The following MAF variants were observed in gnomAD, a reference collection of about 807,000 sequenced individuals.
MAF encodes MAF bZIP transcription factor.
In MAF, 10 loss-of-function variants were observed where a neutral mutation model predicts 22.0. The ratio of observed to expected loss-of-function variants is 0.45; its 90% CI spans 0.28 to 0.77. The LOEUF is 0.77. Among genes scored for constraint, MAF ranks in the 30% least tolerant of loss-of-function variants. The pLI is 0.12. For missense variants in MAF, 544 were observed against 548.4 expected (o/e 0.99, Z 0.08); for synonymous variants, 337 against 255.8 (o/e 1.32, Z -3.03).
At position 79,600,577 on chromosome 16, in the gene MAF, G is replaced by C. The variant is rs188356862; in HGVS notation, c.-675C>G. ...GCCCGACTGGAGGAGAGGGAGGGGGGAGTTTAGTTCTTTCTTGCCTTTTTT... is the reference window on the plus strand; with the variant it reads ...GCCCGACTGGAGGAGAGGGAGGGGGCAGTTTAGTTCTTTCTTGCCTTTTTT... On this transcript the variant is annotated 5_prime_UTR_variant, in exon 1 of 2. Coordinates refer to ENST00000326043, the MANE Select transcript of MAF (RefSeq NM_005360.5). The C allele has an allele frequency of 5.1e-6, 1 of 195,984 alleles. No individual in the cohort carries two copies. The highest frequency in any genetic ancestry group is 1.2e-5 in the Non-Finnish European group (1 of 85,148). The allele number at this position is 195,984 out of a possible 1,614,324, so 12.1% of individuals were successfully genotyped here.
the MAF span, chr16:79,229,555 G>C: frequency 1.3e-5 from 2 of 152,250 alleles, no homozygotes; most frequent in South Asian, 4.1e-4. Context: ...TGGGCTGTGA[G>C]CGGGGATAAG....
At chr16:79,285,390 T>A in the MAF span, among the ~76,000 whole-genome samples, 2 of 151,484 alleles carry the variant, frequency 1.3e-5, no homozygotes, top group African/African-American at 4.8e-5. Flanking sequence ...TCCTTCTTGA[T>A]AGCTCCTTTA....
chr16:79,211,565 C>G, the MAF span: 3 of 1,613,534 alleles, frequency 1.9e-6, no homozygotes, highest in African/African-American at 1.3e-5. Context: ...CTCATCACTC[C>G]TTTTCTTAAA....
the MAF span, among the ~76,000 whole-genome samples, chr16:79,374,865 T>C: frequency 1.3e-5 from 2 of 152,356 alleles, no homozygotes; most frequent in Non-Finnish European, 2.9e-5. Flanking sequence ...AGACAAGATA[T>C]GTTAGACAGT....
chr16:79,407,231 C>G, the MAF span, among the ~76,000 whole-genome samples: 28 of 152,120 alleles, frequency 1.8e-4, no homozygotes, highest in South Asian at 2.1e-4. Flanking sequence ...GGACGCGTTG[C>G]GCAAGGAGTG....
At chr16:79,455,626 G>C in the MAF span, among the ~76,000 whole-genome samples, 1 of 152,134 alleles carries the variant, frequency 6.6e-6, no homozygotes, top group African/African-American at 2.4e-5. Flanking sequence ...ATTCCCACCT[G>C]TCATAATCAA....
At chr16:79,368,713 T>A in the MAF span, among the ~76,000 whole-genome samples, 1 of 152,184 alleles carries the variant, frequency 6.6e-6, no homozygotes, top group Admixed American at 6.5e-5. Flanking sequence ...TGTATATTTC[T>A]GGAATGTGTT....
the MAF span, among the ~76,000 whole-genome samples, chr16:79,313,240 C>T: frequency 3.9e-5 from 6 of 152,176 alleles, no homozygotes; most frequent in South Asian, 2.1e-4. Flanking sequence ...GAGGAGAAGA[C>T]GGCAACATTT....
At chr16:79,506,522 G>T in the MAF span, among the ~76,000 whole-genome samples, 1 of 152,224 alleles carries the variant, frequency 6.6e-6, no homozygotes, top group Non-Finnish European at 1.5e-5. Flanking sequence ...ATGCATAGCA[G>T]AGAGAATGTG....
the MAF span, among the ~76,000 whole-genome samples, chr16:79,333,365 G>C: frequency 6.6e-6 from 1 of 152,150 alleles, no homozygotes; most frequent in South Asian, 2.1e-4. Flanking sequence ...GTAGTCAGGA[G>C]ATTATAGGGG....
chr16:79,508,018 C>A, the MAF span, among the ~76,000 whole-genome samples: 1 of 152,106 alleles, frequency 6.6e-6, no homozygotes, highest in Non-Finnish European at 1.5e-5. Context: ...TGGATCAGAG[C>A]AGAGCAGGAG....
chr16:79,519,162 G>A, the MAF span, among the ~76,000 whole-genome samples: 1 of 152,008 alleles, frequency 6.6e-6, no homozygotes, highest in South Asian at 2.1e-4. Flanking sequence ...CCTCTCCTTT[G>A]TACATGGAGA....
chr16:79,551,283 A>G, the MAF span, among the ~76,000 whole-genome samples: 786 of 152,220 alleles, frequency 5.2e-3, 5 homozygotes, highest in African/African-American at 0.018. Context: ...CAGAAAGCCA[A>G]GCAGGAAGAG....
At chr16:79,516,440 G>C in the MAF span, 1 of 152,194 alleles carries the variant, frequency 6.6e-6, no homozygotes, top group African/African-American at 2.4e-5. Flanking sequence ...CTTAGAACAA[G>C]GCAAAGGTGA....
chr16:79,298,981 C>T, the MAF span, among the ~76,000 whole-genome samples: 1 of 152,278 alleles, frequency 6.6e-6, no homozygotes, highest in African/African-American at 2.4e-5. Context: ...CCAATGCTTG[C>T]TCCTGGTGGA....
At chr16:79,208,268 C>A in the MAF span, among the ~76,000 whole-genome samples, 6 of 152,106 alleles carry the variant, frequency 3.9e-5, no homozygotes, top group Non-Finnish European at 1.5e-5. Context: ...ATTCTCAGTC[C>A]TGTGTCGTCA....
At chr16:79,584,953 A>C (rs1442973766), downstream of MAF, among the ~76,000 whole-genome samples, 1 of 152,076 alleles carries the variant, frequency 6.6e-6, no homozygotes, top group Non-Finnish European at 1.5e-5. Flanking sequence ...TCCTTAACGT[A>C]CCTCCTTTGC....
At chr16:79,246,451 C>G in the MAF span, among the ~76,000 whole-genome samples, 1 of 148,868 alleles carries the variant, frequency 6.7e-6, no homozygotes, top group African/African-American at 2.5e-5. Flanking sequence ...CACAAGGACC[C>G]CCTCACATAG....
chr16:79,241,569 G>A, the MAF span, among the ~76,000 whole-genome samples: 1 of 152,070 alleles, frequency 6.6e-6, no homozygotes, highest in Non-Finnish European at 1.5e-5. Flanking sequence ...ACATTTGATT[G>A]GTGTACCTGA....
Sources: gnomAD v4.1 joint callset for allele counts (sites outside exome capture counted in the v4.1 genomes callset) on GRCh38, gnomAD v4.1.1 for gene constraint, MANE v1.5 for transcripts, NCBI Gene and HGNC (gene_info 2026-07-23, HGNC 2026-07-21) for gene names.